The following MAGI1 variants were observed in gnomAD, a reference collection of about 807,000 sequenced individuals.
MAGI1 encodes membrane associated guanylate kinase, WW and PDZ domain containing 1.
A neutral mutation model predicts 139.9 loss-of-function variants in MAGI1; 58 were observed. The ratio of observed to expected loss-of-function variants is 0.41; its 90% CI spans 0.34 to 0.52. The LOEUF (loss-of-function observed/expected upper bound fraction) is 0.52, where lower values mean the gene tolerates loss of function less well. MAGI1 is among the 20% of genes least tolerant of loss of function. The pLI is 0.12. For synonymous variants in MAGI1, 812 were observed against 737.9 expected (o/e 1.10, Z -1.63); for missense variants, 1,874 against 1,901.6 (o/e 0.99, Z 0.27).
intron 1 of MAGI1, among the ~76,000 whole-genome samples, chr3:66,022,138 AC>A (rs2068001307): frequency 1.3e-5 from 2 of 152,152 alleles, no homozygotes. Flanking sequence ...AATCCTTACA[AC>A]CAGCTGTCTT....
At chr3:65,420,182 C>G (rs1311449184) in intron 12 of MAGI1, among the ~76,000 whole-genome samples, 1 of 152,154 alleles carries the variant, frequency 6.6e-6, no homozygotes, top group Non-Finnish European at 1.5e-5. Flanking sequence ...CTGGACCTCA[C>G]ACTGCAAATG....
chr3:65,512,924 C>T (rs1390928661), intron 2 of MAGI1, among the ~76,000 whole-genome samples: 67 of 148,606 alleles, frequency 4.5e-4, no homozygotes, highest in African/African-American at 1.4e-3. Flanking sequence ...ACTGGCAAAA[C>T]GAATCCAGCA....
intron 2 of MAGI1, among the ~76,000 whole-genome samples, chr3:65,527,393 A>G (rs2078435042): frequency 6.6e-6 from 1 of 152,094 alleles, no homozygotes; most frequent in African/African-American, 2.4e-5. Context: ...CAACCTGGCC[A>G]ATATGGTGAA....
chr3:65,987,720 C>T (rs934234348), intron 1 of MAGI1, among the ~76,000 whole-genome samples: 5 of 152,214 alleles, frequency 3.3e-5, no homozygotes, highest in South Asian at 2.1e-4. Context: ...CAGGTGAGTA[C>T]CACCATGCCC....
chr3:65,382,225 A>G (rs1559511274), intron 15 of MAGI1, among the ~76,000 whole-genome samples, 156 bp from the exon 16 acceptor site: 1 of 152,234 alleles, frequency 6.6e-6, no homozygotes, highest in Non-Finnish European at 1.5e-5. Flanking sequence ...CATTGTGCTA[A>G]GCACTGCAAC....
Position 65,616,476 on chromosome 3 carries a change from T to C in MAGI1, c.430+5496A>G, listed in dbSNP as rs548375943. ...GAAGCCAAAGTTAGAGATGACATGATAGAGAAAGAGAAAGGGATAGAGAGA... is the reference window on the plus strand; with the variant it reads ...GAAGCCAAAGTTAGAGATGACATGACAGAGAAAGAGAAAGGGATAGAGAGA... On this transcript the variant is annotated intron_variant, in intron 2 of 22. Transcript: ENST00000402939. 3.9e-5 allele frequency among the ~76,000 whole-genome samples: 6 copies of C among 152,160 alleles called. 1 individual carries two copies. The highest frequency in any genetic ancestry group is 4.2e-4 in the South Asian group (2 of 4,812).
chr3:65,588,700 G>A (rs2081812588), intron 2 of MAGI1, among the ~76,000 whole-genome samples: 1 of 152,174 alleles, frequency 6.6e-6, no homozygotes, highest in African/African-American at 2.4e-5. Context: ...TGTACTGTCT[G>A]TCATTCTCTA....
chr3:65,612,027 T>C (rs957106187), intron 2 of MAGI1, among the ~76,000 whole-genome samples: 3 of 152,050 alleles, frequency 2.0e-5, no homozygotes, highest in Non-Finnish European at 4.4e-5. Flanking sequence ...CACAATATCT[T>C]TCAGGCTAGT....
intron 1 of MAGI1, among the ~76,000 whole-genome samples, chr3:65,871,335 G>A (rs1318686978): frequency 2.0e-5 from 3 of 152,136 alleles, no homozygotes; most frequent in Admixed American, 6.5e-5. Flanking sequence ...TGGGGTTGGG[G>A]GTTGTGGGAG....
At chr3:65,943,866 G>T (rs2063434039) in intron 1 of MAGI1, among the ~76,000 whole-genome samples, 1 of 152,158 alleles carries the variant, frequency 6.6e-6, no homozygotes, top group African/African-American at 2.4e-5. Flanking sequence ...CTTAACAACA[G>T]TACAAGTCAT....
chr3:65,926,327 T>TTCTCTCTCTCTCTCTC lies in MAGI1; in HGVS notation c.313+111653_313+111668dup, dbSNP rs377665681. Among the ~76,000 whole-genome samples the TTCTCTCTCTCTCTCTC allele has an allele frequency of 2.4e-3, 276 of 115,610 alleles. 10 individuals carry two copies. The highest frequency in any genetic ancestry group is 7.3e-3 in the East Asian group (25 of 3,426). The allele number at this position is 115,610 out of a possible 152,430, so 75.8% of individuals were successfully genotyped here. A position where few individuals can be genotyped will look rare whatever the true frequency, so the allele number is the denominator to read the frequency against. The stretch of plus-strand genomic sequence containing the variant: ...GAAGATCCAAGACTGAAGTCTTCTT[T>TTCTCTCTCTCTCTCTC]TCTCTCTCTCTCTCTCTCTCTCTCT... On this transcript the variant is annotated intron_variant, in intron 1 of 22. Transcript: ENST00000402939.
intron 1 of MAGI1, among the ~76,000 whole-genome samples, chr3:65,771,424 C>T (rs1262899678): frequency 1.3e-5 from 2 of 151,982 alleles, no homozygotes; most frequent in Admixed American, 1.3e-4. Context: ...TAGTATAGCA[C>T]CATGGGCAAG....
intron 2 of MAGI1, among the ~76,000 whole-genome samples, chr3:65,550,264 G>A (rs189859135): frequency 1.4e-4 from 21 of 152,272 alleles, no homozygotes; most frequent in African/African-American, 3.6e-4. Flanking sequence ...GACAAAGCTC[G>A]GAGAGGTTAA....
At chr3:65,651,741 A>G (rs570036150) in intron 1 of MAGI1, among the ~76,000 whole-genome samples, 15 of 152,244 alleles carry the variant, frequency 9.9e-5, no homozygotes, top group Non-Finnish European at 2.1e-4. Flanking sequence ...CCAAGAGAGA[A>G]TCCTTTTTTG....
chr3:65,749,111 G>C (rs2035933329), intron 1 of MAGI1, among the ~76,000 whole-genome samples: 1 of 152,172 alleles, frequency 6.6e-6, no homozygotes, highest in African/African-American at 2.4e-5. Flanking sequence ...ATTCTCTACA[G>C]TGGGAGAGTT....
chr3:65,539,189 C>T (rs749457296), intron 2 of MAGI1, among the ~76,000 whole-genome samples: 1 of 152,118 alleles, frequency 6.6e-6, no homozygotes, highest in African/African-American at 2.4e-5. Context: ...CAAACAGGCA[C>T]ATGTACAAAC....
At chr3:65,703,112 C>T (rs1002794577) in intron 1 of MAGI1, among the ~76,000 whole-genome samples, 5 of 152,146 alleles carry the variant, frequency 3.3e-5, no homozygotes, top group Non-Finnish European at 7.3e-5. Context: ...ATTTGGCCTT[C>T]AAGGCATGAT....
chr3:65,508,479 T>C (rs891585728), intron 2 of MAGI1, among the ~76,000 whole-genome samples: 11 of 152,166 alleles, frequency 7.2e-5, no homozygotes, highest in Admixed American at 3.3e-4. Context: ...TATTATGTTA[T>C]ATAAAGACAA....
intron 1 of MAGI1, among the ~76,000 whole-genome samples, chr3:65,627,061 A>C (rs2107116460): frequency 6.6e-6 from 1 of 152,362 alleles, no homozygotes; most frequent in Middle Eastern, 3.4e-3. Flanking sequence ...GTTCCGGTCA[A>C]AGCCATACTT....
Sources: gnomAD v4.1 joint callset for allele counts (sites outside exome capture counted in the v4.1 genomes callset) on GRCh38, gnomAD v4.1.1 for gene constraint, MANE v1.5 for transcripts, NCBI Gene and HGNC (gene_info 2026-07-23, HGNC 2026-07-21) for gene names.